The following PCDHGA1 variants were observed in gnomAD, a reference collection of about 807,000 sequenced individuals.
PCDHGA1 encodes protocadherin gamma subfamily A, 1, also known as protocadherin gamma-A1.
PCDHGA1 carries 32 observed loss-of-function variants against 58.0 expected under a neutral mutation model. The ratio of observed to expected loss-of-function variants is 0.55; its 90% confidence interval spans 0.42 to 0.74. PCDHGA1 has a LOEUF of 0.74. Ranked by LOEUF, PCDHGA1 falls within the 30% of genes least tolerant of loss-of-function variation. The probability of loss-of-function intolerance (pLI) is 0.00; values close to 1 mark genes in which losing one functional copy is unlikely to be tolerated. For synonymous variants in PCDHGA1, 498 were observed against 501.1 expected (o/e 0.99, Z 0.08); for missense variants, 1,205 against 1,182.3 (o/e 1.02, Z -0.28).
chr5:141,492,552 T>A (rs1444534113), intron 1 of PCDHGA1, among the ~76,000 whole-genome samples: 1 of 152,084 alleles, frequency 6.6e-6, no homozygotes, highest in African/African-American at 2.4e-5. Context: ...CCGGGTCGCC[T>A]GGGGGGCGGC....
At chr5:141,388,390 A>C (rs202036029) in intron 1 of PCDHGA1, 182 of 1,613,912 alleles carry the variant, frequency 1.1e-4, no homozygotes, top group Non-Finnish European at 1.4e-4. Context: ...ACACTGCAGA[A>C]TTACCAACTC....
At chr5:141,484,071 T>C (rs1405337642) in intron 1 of PCDHGA1, among the ~76,000 whole-genome samples, 1 of 152,144 alleles carries the variant, frequency 6.6e-6, no homozygotes, top group Non-Finnish European at 1.5e-5. Flanking sequence ...GTGAAAAGCT[T>C]GCTCTTTTGA....
In PCDHGA1 at chr5:141,331,988, A is replaced by T; in HGVS notation, c.1304A>T (p.Glu435Val). The change falls in exon 1 of 4, where the codon GAA becomes GTA. Residue 435 changes from glutamate to valine, a missense_variant. Coordinates refer to ENST00000517417, the MANE Select transcript of PCDHGA1 (RefSeq NM_018912.3). ...CAAGGAACTCCAGCTCTATCTACTG[A>T]AACTCACATTTCACTACTAGTGACA... ...IDQGTPALST[E>V]THISLLVTDI... 1.2e-6 allele frequency: 2 copies of T among 1,614,170 alleles called. No individual in the cohort carries two copies. Among genetic ancestry groups the T allele is most frequent in the Non-Finnish European group, 1.7e-6 (2 of 1,180,028 alleles).
intron 1 of PCDHGA1, chr5:141,339,786 G>A (rs772509350): frequency 6.2e-7 from 1 of 1,614,200 alleles, no homozygotes; most frequent in Non-Finnish European, 8.5e-7. Flanking sequence ...GCAGATGAGG[G>A]CTACTACGCT....
chr5:141,478,384 T>G, intron 1 of PCDHGA1: 1 of 1,613,658 alleles, frequency 6.2e-7, no homozygotes, highest in South Asian at 1.1e-5. Context: ...CGCCGCACCT[T>G]TACCATCAGG....
intron 1 of PCDHGA1, chr5:141,420,386 A>G (rs1407565643): frequency 6.2e-6 from 8 of 1,284,798 alleles, no homozygotes; most frequent in Non-Finnish European, 7.2e-6. Context: ...AGTTCGCAAA[A>G]TATAGGTCAA....
chr5:141,393,484 G>A, intron 1 of PCDHGA1: 1 of 1,614,058 alleles, frequency 6.2e-7, no homozygotes, highest in Non-Finnish European at 8.5e-7. Context: ...CCTCGCTCTA[G>A]CACAGTGCGC....
At chr5:141,371,693 C>T in intron 1 of PCDHGA1, 1 of 1,614,066 alleles carries the variant, frequency 6.2e-7, no homozygotes, top group Non-Finnish European at 8.5e-7. Context: ...CACCGCTCTC[C>T]TCCAGCAAGA....
chr5:141,430,580 G>A, intron 1 of PCDHGA1: 1 of 478,526 alleles, frequency 2.1e-6, no homozygotes, highest in Admixed American at 3.8e-5. Context: ...CGGAGATCCT[G>A]CTCGCCTTGC....
At chr5:141,389,652 G>C in intron 1 of PCDHGA1, 1 of 1,612,638 alleles carries the variant, frequency 6.2e-7, no homozygotes, top group South Asian at 1.1e-5. Context: ...GACCAAGGTA[G>C]TGGCGGTGGA....
At chr5:141,364,875 T>C (rs909012191) in intron 1 of PCDHGA1, 1 of 1,613,818 alleles carries the variant, frequency 6.2e-7, no homozygotes, top group Non-Finnish European at 8.5e-7. Flanking sequence ...TCTCTGGATG[T>C]GGTAAGCGGA....
chr5:141,354,771 A>G (rs771392037), intron 1 of PCDHGA1, among the ~76,000 whole-genome samples: 7 of 152,246 alleles, frequency 4.6e-5, no homozygotes, highest in Non-Finnish European at 8.8e-5. Flanking sequence ...TAGGAAAAAA[A>G]TCGTCATATT....
intron 1 of PCDHGA1, chr5:141,391,956 A>G (rs1440560320): frequency 6.6e-6 from 1 of 152,246 alleles, no homozygotes; most frequent in Non-Finnish European, 1.5e-5. Flanking sequence ...AAAAATATAA[A>G]CAATGTAAAT....
chr5:141,456,700 C>G (rs1420857227), intron 1 of PCDHGA1, among the ~76,000 whole-genome samples: 2 of 152,060 alleles, frequency 1.3e-5, no homozygotes, highest in Admixed American at 1.3e-4. Flanking sequence ...CGTGGTGGCT[C>G]GCGCCTGTAA....
At chr5:141,475,840 A>T in intron 1 of PCDHGA1, 1 of 434,888 alleles carries the variant, frequency 2.3e-6, no homozygotes, top group Non-Finnish European at 4.1e-6. Flanking sequence ...TGTCCTGCTC[A>T]GAGAGCCCGG....
chr5:141,415,533 G>C lies in PCDHGA1; in HGVS notation c.2422-79274G>C, dbSNP rs749139053. On this transcript the variant is annotated intron_variant, in intron 1 of 3. Coordinates refer to ENST00000517417, the MANE Select transcript of PCDHGA1 (RefSeq NM_018912.3). ...ATTATGCGGACACGCTCATCAGCCA[G>C]GAGAGCTGTGAGAAAAACGATCCTT... is the stretch of plus-strand genomic sequence containing the variant. 1.4e-5 allele frequency: 22 copies of C among 1,614,080 alleles called. No individual in the cohort carries two copies. Among genetic ancestry groups the C allele is most frequent in the Non-Finnish European group, 1.9e-5 (22 of 1,180,042 alleles).
chr5:141,483,589 G>A (rs189449393), intron 1 of PCDHGA1, among the ~76,000 whole-genome samples: 17 of 152,214 alleles, frequency 1.1e-4, no homozygotes, highest in Admixed American at 1.1e-3. Context: ...ACACCTAATA[G>A]GTCAGGCTGG....
chr5:141,467,268 G>C lies in PCDHGA1; in HGVS notation c.2422-27539G>C, dbSNP rs1195615721. On this transcript the variant is annotated intron_variant, in intron 1 of 3. Transcript: ENST00000517417. The stretch of plus-strand genomic sequence containing the variant: ...GGGTTTCACCATGTTGGCCAGGCTG[G>C]TCTCGAACTCTTGACCTCAAGTGAT... Among the ~76,000 whole-genome samples, 3 of 152,030 alleles carry C rather than the reference G, an allele frequency of 2.0e-5. No homozygotes were observed. The South Asian group carries it at 6.2e-4, about 32-fold the overall frequency.
At chr5:141,430,784 G>T in intron 1 of PCDHGA1, 1 of 1,512,418 alleles carries the variant, frequency 6.6e-7, no homozygotes, top group East Asian at 2.3e-5. Flanking sequence ...ACTGCACCGG[G>T]ACTACAAAGG....
Sources: allele counts gnomAD v4.1 joint callset (sites outside exome capture counted in the v4.1 genomes callset), GRCh38; gene constraint gnomAD v4.1.1; transcripts MANE v1.5; gene names NCBI Gene and HGNC (gene_info 2026-07-23, HGNC 2026-07-21).